The following PRH1 variants were observed in gnomAD, a reference collection of about 807,000 sequenced individuals.
PRH1 encodes proline rich protein HaeIII subfamily 1, also known as salivary acidic proline-rich phosphoprotein 1/2.
In PRH1, 7 loss-of-function variants were observed where a neutral mutation model predicts 7.9. That is an observed-to-expected ratio of 0.89 (90% CI 0.50 to 1.67). PRH1 has a LOEUF of 1.67. Ranked by LOEUF, PRH1 falls within the 40% of genes most tolerant of loss-of-function variation. The pLI is 0.00. For synonymous variants in PRH1, 45 were observed against 80.8 expected (o/e 0.56, Z 2.38); for missense variants, 109 against 223.6 (o/e 0.49, Z 3.27).
chr12:11,006,617 G>A (rs940867695), intron 1 of PRH1, among the ~76,000 whole-genome samples: 1 of 151,978 alleles, frequency 6.6e-6, no homozygotes, highest in African/African-American at 2.4e-5. Flanking sequence ...AAAATGATAA[G>A]TAGAAATTTT....
intron 2 of PRH1, among the ~76,000 whole-genome samples, chr12:10,893,645 A>G (rs1949606897): frequency 6.6e-6 from 1 of 152,168 alleles, no homozygotes; most frequent in Admixed American, 6.5e-5. Context: ...TTATTCACAC[A>G]TTTAAAATTT....
intron 2 of PRH1, among the ~76,000 whole-genome samples, chr12:10,920,668 T>C (rs887414366): frequency 6.6e-6 from 1 of 152,120 alleles, no homozygotes; most frequent in Non-Finnish European, 1.5e-5. Flanking sequence ...ATTTTTAAAT[T>C]ATCTAGGTGG....
At chr12:10,943,192 A>G (rs988325981) in intron 2 of PRH1, among the ~76,000 whole-genome samples, 4 of 152,110 alleles carry the variant, frequency 2.6e-5, no homozygotes, top group African/African-American at 9.7e-5. Flanking sequence ...TGTCTTTCCA[A>G]GTCAGAACTG....
intron 1 of PRH1, among the ~76,000 whole-genome samples, chr12:11,052,917 T>C (rs1212574793): frequency 4.7e-5 from 6 of 128,896 alleles, no homozygotes; most frequent in African/African-American, 1.6e-4. Context: ...TGTTTCTGAT[T>C]TTTTTGATTT....
intron 1 of PRH1, among the ~76,000 whole-genome samples, chr12:11,008,439 A>G (rs1325686065): frequency 6.6e-6 from 1 of 152,098 alleles, no homozygotes; most frequent in Non-Finnish European, 1.5e-5. Context: ...GGAACACTGC[A>G]AACAGCCTAG....
intron 1 of PRH1, among the ~76,000 whole-genome samples, chr12:11,168,288 GAAAGAAAGAAA>G (rs1565725862): frequency 7.5e-4 from 22 of 29,146 alleles, no homozygotes; most frequent in African/African-American, 1.3e-3. Flanking sequence ...AAGAAAGAAA[GAAAGAAAGAAA>G]GAAGGAAGGA....
intron 1 of PRH1, among the ~76,000 whole-genome samples, chr12:11,055,359 T>C (rs75796054): frequency 0.11 from 9,282 of 85,452 alleles, no homozygotes; most frequent in Non-Finnish European, 0.14. Flanking sequence ...ATACCATGTC[T>C]GAATTTTTTT....
At chr12:10,902,601 A>G (rs1479197844) in intron 2 of PRH1, among the ~76,000 whole-genome samples, 1 of 152,160 alleles carries the variant, frequency 6.6e-6, no homozygotes, top group Non-Finnish European at 1.5e-5. Flanking sequence ...TAAAGAAAAA[A>G]ATCTTAAAGG....
intron 2 of PRH1, among the ~76,000 whole-genome samples, chr12:10,941,153 G>C (rs541955592): frequency 6.6e-6 from 1 of 152,076 alleles, no homozygotes; most frequent in Admixed American, 6.6e-5. Context: ...TTGTGTGGTG[G>C]GTTCTGTTGA....
chr12:10,909,020 A>G (rs748422702), intron 2 of PRH1: 15 of 1,613,764 alleles, frequency 9.3e-6, no homozygotes, highest in Non-Finnish European at 1.3e-5. Flanking sequence ...GATTGAAGTG[A>G]TTAGAAACTA....
intron 1 of PRH1, among the ~76,000 whole-genome samples, chr12:11,164,829 G>T (rs1947523620): frequency 6.6e-6 from 1 of 151,962 alleles, no homozygotes; most frequent in Non-Finnish European, 1.5e-5. Flanking sequence ...TAATTATACA[G>T]TTTACTTTTG....
chr12:11,102,110 T>A (rs536699235), intron 1 of PRH1, among the ~76,000 whole-genome samples: 1 of 152,266 alleles, frequency 6.6e-6, no homozygotes, highest in African/African-American at 2.4e-5. Context: ...AAAATGGCCA[T>A]ACTTCCCAAG....
rs573226377 is a variant in PRH1, at chr12:11,061,959, AT to A, written n.124-14772del. Reference sequence around the variant, plus strand: ...AGTGAAGAAAAATAAGGTTGGAGAAATTGGCAATCTTGAGCAAATAAAATAT... The same window carrying A: ...AGTGAAGAAAAATAAGGTTGGAGAAATGGCAATCTTGAGCAAATAAAATAT... On this transcript the variant is annotated intron_variant and non_coding_transcript_variant, in intron 1 of 4. Transcript: ENST00000541977. 7.4e-6 allele frequency: 12 copies of A among 1,613,886 alleles called. No individual in the cohort carries two copies. In the South Asian group the frequency reaches 1.2e-4, roughly 16 times the overall value.
In PRH1 at chr12:10,999,329, T is replaced by C. The variant is rs79439069; in HGVS notation, c.-125-25608A>G. Among the ~76,000 whole-genome samples, 1,424 of 152,254 alleles carry C rather than the reference T, an allele frequency of 9.4e-3. 18 individuals carry two copies. Among genetic ancestry groups the C allele is most frequent in the African/African-American group, 0.032 (1,340 of 41,558 alleles). On this transcript the variant is annotated intron_variant, in intron 1 of 3. Transcript: ENST00000539853. ...ATATCTAAAACTAGAAGAAAACTTTTGGAAAGATCTGGAGGCTGTAGGTAA... is the reference window on the plus strand; with the variant it reads ...ATATCTAAAACTAGAAGAAAACTTTCGGAAAGATCTGGAGGCTGTAGGTAA...
chr12:11,120,481 A>C (rs77369035), downstream of PRH1, among the ~76,000 whole-genome samples: 113 of 152,192 alleles, frequency 7.4e-4, 1 homozygote, highest in South Asian at 8.7e-3. Context: ...CTGTTACTTC[A>C]ACCCAGTAAC....
intron 1 of PRH1, among the ~76,000 whole-genome samples, chr12:11,081,889 GTTTA>G (rs758879265): frequency 0.021 from 1,680 of 81,380 alleles, 30 homozygotes; most frequent in Non-Finnish European, 0.026. Context: ...TCATGAAATG[GTTTA>G]TTTATTTTTC....
intron 1 of PRH1, among the ~76,000 whole-genome samples, chr12:11,035,412 A>G (rs1942395398): frequency 6.6e-6 from 1 of 151,912 alleles, no homozygotes; most frequent in Non-Finnish European, 1.5e-5. Context: ...CTTATGTTTA[A>G]CTGGTTTTTA....
At chr12:10,962,714 T>G (rs909673807) in intron 2 of PRH1, among the ~76,000 whole-genome samples, 3 of 152,256 alleles carry the variant, frequency 2.0e-5, no homozygotes, top group African/African-American at 4.8e-5. Flanking sequence ...ATTTTTTATG[T>G]GATCTTTTAG....
intron 2 of PRH1, chr12:10,930,709 C>A: frequency 6.2e-7 from 1 of 1,613,834 alleles, no homozygotes; most frequent in Admixed American, 1.7e-5. Context: ...TCAGGGACCA[C>A]CTTTGGGAGG....
Sources: gnomAD v4.1 joint callset for allele counts (sites outside exome capture counted in the v4.1 genomes callset) on GRCh38, gnomAD v4.1.1 for gene constraint, MANE v1.5 for transcripts, NCBI Gene and HGNC (gene_info 2026-07-23, HGNC 2026-07-21) for gene names.